Variants in MAD1L1 observed in about 807,000 individuals in gnomAD.
The protein encoded by MAD1L1 is mitotic spindle assembly checkpoint protein MAD1.
In MAD1L1, 95 loss-of-function variants were observed where a neutral mutation model predicts 96.9. The ratio of observed to expected loss-of-function variants is 0.98; its 90% CI spans 0.83 to 1.16. The LOEUF (loss-of-function observed/expected upper bound fraction) is 1.16. Ranked by LOEUF, MAD1L1 falls within the 50% of genes most tolerant of loss-of-function variation. The pLI, the probability that MAD1L1 is intolerant of heterozygous loss-of-function variation, is 0.00. For missense variants in MAD1L1, 1,007 were observed against 954.4 expected, an observed-to-expected ratio of 1.06 and a Z score of -0.73; for synonymous variants, 473 against 396.6, an observed-to-expected ratio of 1.19 and a Z score of -2.29.
chr7:1,945,152 G>C (rs376587881), intron 16 of MAD1L1, among the ~76,000 whole-genome samples: 1 of 152,162 alleles, frequency 6.6e-6, no homozygotes, highest in African/African-American at 2.4e-5. Context: ...CGCTCAGCAG[G>C]GGCCCAGCAG....
intron 11 of MAD1L1, among the ~76,000 whole-genome samples, chr7:2,109,135 T>C (rs1390339239): frequency 1.3e-5 from 2 of 152,226 alleles, no homozygotes; most frequent in Non-Finnish European, 2.9e-5. Context: ...GGACAGGCCC[T>C]GCCTGTGGGC....
chr7:1,970,033 C>T (rs960322171), intron 15 of MAD1L1, among the ~76,000 whole-genome samples: 2 of 152,166 alleles, frequency 1.3e-5, no homozygotes, highest in African/African-American at 4.8e-5. Flanking sequence ...AAGGAACTGA[C>T]TTTTATACAC....
chr7:1,896,066 TCCTTTAGGCCTGGGGCGAGCAGGG>T (rs1248553137), intron 18 of MAD1L1, among the ~76,000 whole-genome samples: 1 of 152,172 alleles, frequency 6.6e-6, no homozygotes. Context: ...ACGCTGTGTG[TCCTTTAGGCCTGGGGCGAGCAGGG>T]CTGGGGAGCT....
intron 11 of MAD1L1, among the ~76,000 whole-genome samples, chr7:2,116,576 G>GA (rs1233690331): frequency 6.6e-6 from 1 of 151,058 alleles, no homozygotes; most frequent in Non-Finnish European, 1.5e-5. Context: ...TTGGGGGGGG[G>GA]GGGGGCTCCT....
At chr7:2,084,840 C>T (rs1785828626) in intron 11 of MAD1L1, among the ~76,000 whole-genome samples, 1 of 152,180 alleles carries the variant, frequency 6.6e-6, no homozygotes, top group African/African-American at 2.4e-5. Flanking sequence ...CAGGAGGGTG[C>T]TCCCAACCCT....
In MAD1L1 at chr7:1,952,628, G is replaced by A. The variant is rs1256610227; in HGVS notation, c.1596+5001C>T. 2.6e-5 allele frequency among the ~76,000 whole-genome samples: 4 copies of A among 152,330 alleles called. No homozygotes were observed. In the East Asian group the frequency reaches 5.8e-4, roughly 22 times the overall value. On this transcript the variant is annotated intron_variant, in intron 16 of 18. Transcript: ENST00000265854. ...CATGGGAGGGGAGGGCTGGGCTGGT[G>A]AGCATGGAGTCCCATGGGCCCTGCA... is the stretch of plus-strand genomic sequence containing the variant.
intron 16 of MAD1L1, among the ~76,000 whole-genome samples, chr7:1,953,845 G>C (rs567254637): frequency 6.6e-6 from 1 of 152,362 alleles, no homozygotes; most frequent in African/African-American, 2.4e-5. Flanking sequence ...GGGGCCCCAC[G>C]GGGCACAGGT....
chr7:2,121,840 C>A (rs1322951488), intron 11 of MAD1L1, among the ~76,000 whole-genome samples: 3 of 152,214 alleles, frequency 2.0e-5, no homozygotes, highest in Non-Finnish European at 2.9e-5. Flanking sequence ...CGCTCTCCAC[C>A]CTCTCCAGCA....
rs1785508136 is a variant in MAD1L1, at chr7:1,878,604, G to A, written c.1998+19596C>T. 2.7e-5 allele frequency among the ~76,000 whole-genome samples: 4 copies of A among 150,860 alleles called. No individual in the cohort carries two copies. In the South Asian group the frequency reaches 8.4e-4, roughly 31 times the overall value. ...AAAAACTGACAAAATTCGACTCTTA[G>A]CAAGTAGAACAGAAGGGAACTTTCT... On this transcript the variant is annotated intron_variant, in intron 18 of 18. Coordinates refer to ENST00000265854, the MANE Select transcript of MAD1L1 (RefSeq NM_001013836.2).
intron 3 of MAD1L1, among the ~76,000 whole-genome samples, chr7:2,226,995 A>C (rs1793935142): frequency 6.6e-6 from 1 of 150,728 alleles, no homozygotes; most frequent in Non-Finnish European, 1.5e-5. Context: ...TCAAAAAAAA[A>C]AAAACAAAAG....
intron 11 of MAD1L1, among the ~76,000 whole-genome samples, chr7:2,083,051 G>A (rs546347130): frequency 8.5e-5 from 13 of 152,302 alleles, no homozygotes; most frequent in African/African-American, 2.4e-4. Flanking sequence ...GGGAAGAGCC[G>A]TCCCTCCCTG....
At position 2,229,976 on chromosome 7, in the gene MAD1L1, C is replaced by G. The variant is rs1411703534; in HGVS notation, c.150+8G>C. ...GAGCAGACTCCCACCCAGGCACATG[C>G]CACTCACCTGCATGCTCTGCTGGTA... On this transcript the variant is annotated splice_region_variant and intron_variant, in intron 3 of 18. Transcript: ENST00000265854. 6.2e-7 allele frequency: 1 copy of G among 1,611,992 alleles called. No homozygotes were observed.
In MAD1L1 at chr7:1,959,917, CT is replaced by C. The variant is rs554260744; in HGVS notation, c.1506-2199del. On this transcript the variant is annotated intron_variant, in intron 15 of 18. Coordinates refer to ENST00000265854, the MANE Select transcript of MAD1L1 (RefSeq NM_001013836.2). ...GAGGATCTTTCTTACATTCAGGTCT[CT>C]TAAAAAAATTTAAATTATTAACTTT... Among the ~76,000 whole-genome samples the C allele has an allele frequency of 1.7e-3, 255 of 152,094 alleles. 1 individual carries two copies. Among genetic ancestry groups the C allele is most frequent in the African/African-American group, 5.9e-3 (244 of 41,478 alleles).
intron 12 of MAD1L1, among the ~76,000 whole-genome samples, chr7:2,037,534 T>C (rs964217651): frequency 2.6e-5 from 4 of 152,224 alleles, no homozygotes; most frequent in East Asian, 3.8e-4. Context: ...ATTATATCTG[T>C]TGTGGTCTGT....
intron 12 of MAD1L1, among the ~76,000 whole-genome samples, chr7:2,063,215 A>G (rs1784739039): frequency 6.6e-6 from 1 of 152,168 alleles, no homozygotes; most frequent in Non-Finnish European, 1.5e-5. Flanking sequence ...CAGTGAAAAG[A>G]AAGACTGGAC....
intron 4 of MAD1L1, chr7:2,223,530 C>A (rs1053708809): frequency 2.6e-5 from 4 of 152,274 alleles, no homozygotes; most frequent in African/African-American, 9.6e-5. Context: ...CTCCCGGAGC[C>A]CCGGGTGGAG....
chr7:1,887,445 CTG>C (rs1325732297), intron 18 of MAD1L1, among the ~76,000 whole-genome samples: 1 of 120,998 alleles, frequency 8.3e-6, no homozygotes, highest in South Asian at 2.7e-4. Context: ...GTGGCTGCCT[CTG>C]TGTGTGCGTG....
chr7:2,031,150 G>A (rs969718852), intron 12 of MAD1L1, among the ~76,000 whole-genome samples: 3 of 152,212 alleles, frequency 2.0e-5, no homozygotes, highest in African/African-American at 7.2e-5. Flanking sequence ...GCAGGAGGCT[G>A]AACACCAGGC....
At chr7:2,020,582 C>G (rs547516597) in intron 12 of MAD1L1, among the ~76,000 whole-genome samples, 6 of 152,320 alleles carry the variant, frequency 3.9e-5, no homozygotes, top group Non-Finnish European at 7.3e-5. Context: ...TGGGTCCTCT[C>G]TCACCTGCCC....
Sources: allele counts gnomAD v4.1 joint callset (sites outside exome capture counted in the v4.1 genomes callset), GRCh38; gene constraint gnomAD v4.1.1; transcripts MANE v1.5; gene names NCBI Gene and HGNC (gene_info 2026-07-23, HGNC 2026-07-21).